The following TRAK1 variants were observed in gnomAD, a reference collection of about 807,000 sequenced individuals.
The protein encoded by TRAK1 is trafficking kinesin protein 1.
A neutral mutation model predicts 92.1 loss-of-function variants in TRAK1; 33 were observed. That is an observed-to-expected ratio of 0.36 (90% CI 0.27 to 0.48). The LOEUF (loss-of-function observed/expected upper bound fraction) is 0.48. TRAK1 is among the 20% of genes least tolerant of loss of function. The pLI, the probability that TRAK1 is intolerant of heterozygous loss-of-function variation, is 0.99. For missense variants in TRAK1, 1,123 were observed against 1,257.9 expected, an observed-to-expected ratio of 0.89 and a Z score of 1.62; for synonymous variants, 521 against 517.3, an observed-to-expected ratio of 1.01 and a Z score of -0.10.
chr3:42,109,347 A>G (rs1228733530), intron 1 of TRAK1, among the ~76,000 whole-genome samples: 1 of 152,242 alleles, frequency 6.6e-6, no homozygotes, highest in Non-Finnish European at 1.5e-5. Flanking sequence ...AGGTGATTCA[A>G]AGATGTAATG....
intron 1 of TRAK1, among the ~76,000 whole-genome samples, chr3:42,034,377 G>A (rs1053436145): frequency 3.3e-5 from 5 of 152,048 alleles, no homozygotes; most frequent in Admixed American, 1.3e-4. Flanking sequence ...CTGCAGCCTC[G>A]ACCTCCCTGG....
chr3:42,129,669 A>G (rs990339439), intron 2 of TRAK1, among the ~76,000 whole-genome samples: 1 of 152,228 alleles, frequency 6.6e-6, no homozygotes, highest in African/African-American at 2.4e-5. Flanking sequence ...GGGAGAAAGC[A>G]TAGTCAACGT....
At chr3:42,196,687 G>A (rs865928926) in intron 10 of TRAK1, among the ~76,000 whole-genome samples, 18 of 146,544 alleles carry the variant, frequency 1.2e-4, no homozygotes, top group South Asian at 8.8e-4. Context: ...ACAGGCATGT[G>A]CCACCACGCC....
Position 42,224,036 on chromosome 3 carries a change from G to T in TRAK1, c.*299G>T, listed in dbSNP as rs752568877. 3.7e-5 allele frequency: 21 copies of T among 569,598 alleles called. No individual in the cohort carries two copies. The highest frequency in any genetic ancestry group is 2.7e-4 in the Middle Eastern group (1 of 3,690). 35.3% of individuals were successfully genotyped at this position (569,598 alleles called of 1,614,324 possible). A position where few individuals can be genotyped will look rare whatever the true frequency, so the allele number is the denominator to read the frequency against. On this transcript the variant is annotated 3_prime_UTR_variant, in exon 16 of 16. Coordinates refer to ENST00000327628, the MANE Select transcript of TRAK1 (RefSeq NM_001042646.3). Reference sequence around the variant, plus strand: ...CCTGTGCTAACCTGGGGGAAGGTGGGGTCCTTTCTTCTTTCCTTTTGAGAA... The same window carrying T: ...CCTGTGCTAACCTGGGGGAAGGTGGTGTCCTTTCTTCTTTCCTTTTGAGAA...
At chr3:42,217,935 A>G (rs1709897702) in intron 14 of TRAK1, 1 of 984,964 alleles carries the variant, frequency 1.0e-6, no homozygotes. Flanking sequence ...AAGATTCATA[A>G]AGGCTATTTT....
chr3:42,048,746 T>G (rs1216477682), intron 1 of TRAK1, among the ~76,000 whole-genome samples: 1 of 152,014 alleles, frequency 6.6e-6, no homozygotes, highest in Non-Finnish European at 1.5e-5. Flanking sequence ...GTATTTTTAG[T>G]AGAGACGGGG....
chr3:42,157,563 A>G (rs1326141173), intron 2 of TRAK1, among the ~76,000 whole-genome samples: 1 of 151,522 alleles, frequency 6.6e-6, no homozygotes, highest in South Asian at 2.1e-4. Context: ...AGAAAGTAAC[A>G]CCACTTCTGT....
chr3:42,018,558 G>A (rs961021598), intron 1 of TRAK1, among the ~76,000 whole-genome samples: 1 of 152,152 alleles, frequency 6.6e-6, no homozygotes, highest in African/African-American at 2.4e-5. Flanking sequence ...GTACTCAGGT[G>A]ACTTTAAAAA....
At chr3:42,049,632 TTC>T (rs1702902420) in intron 1 of TRAK1, among the ~76,000 whole-genome samples, 1 of 152,084 alleles carries the variant, frequency 6.6e-6, no homozygotes, top group Non-Finnish European at 1.5e-5. Flanking sequence ...TTTTTCTTCA[TTC>T]TCTATTCTTA....
At chr3:42,110,691 T>A (rs1708270740) in intron 1 of TRAK1, among the ~76,000 whole-genome samples, 1 of 151,962 alleles carries the variant, frequency 6.6e-6, no homozygotes. Context: ...AGTAGAGGAG[T>A]AGAAGACAGA....
chr3:42,021,866 C>T (rs1003149357), intron 1 of TRAK1, among the ~76,000 whole-genome samples: 7 of 152,130 alleles, frequency 4.6e-5, no homozygotes, highest in Admixed American at 6.5e-5. Flanking sequence ...TGAGCCACTG[C>T]GCCTGGCCCT....
At chr3:42,160,363 T>C in intron 2 of TRAK1, 2 of 1,614,082 alleles carry the variant, frequency 1.2e-6, no homozygotes, top group Non-Finnish European at 1.7e-6. Context: ...ACTTCAGCAA[T>C]GTCCCTGCGA....
chr3:42,128,201 G>A (rs191621848), intron 2 of TRAK1, among the ~76,000 whole-genome samples: 2 of 152,036 alleles, frequency 1.3e-5, no homozygotes, highest in African/African-American at 2.4e-5. Flanking sequence ...ACAAACAAAC[G>A]AAAAAACAAA....
At chr3:42,026,441 C>G (rs1701919129) in intron 1 of TRAK1, among the ~76,000 whole-genome samples, 1 of 151,886 alleles carries the variant, frequency 6.6e-6, no homozygotes, top group African/African-American at 2.4e-5. Flanking sequence ...TTTTACATAC[C>G]AATTTGTGTG....
At chr3:42,160,252 G>A in intron 2 of TRAK1, 1 of 1,540,146 alleles carries the variant, frequency 6.5e-7, no homozygotes, top group South Asian at 1.3e-5. Flanking sequence ...CCAGGGCGCA[G>A]TGTGTGCCCT....
At chr3:42,107,109 G>A (rs1351577279) in intron 1 of TRAK1, among the ~76,000 whole-genome samples, 1 of 152,178 alleles carries the variant, frequency 6.6e-6, no homozygotes, top group Non-Finnish European at 1.5e-5. Context: ...ACAGGGGGAG[G>A]GATGTGGGCC....
At chr3:42,064,805 C>A (rs1336621421) in intron 1 of TRAK1, among the ~76,000 whole-genome samples, 1 of 152,058 alleles carries the variant, frequency 6.6e-6, no homozygotes, top group East Asian at 1.9e-4. Flanking sequence ...GTAATCCCAG[C>A]ACTTTGGGAG....
chr3:42,104,043 T>C (rs1427317685), intron 1 of TRAK1, among the ~76,000 whole-genome samples: 1 of 151,984 alleles, frequency 6.6e-6, no homozygotes, highest in Non-Finnish European at 1.5e-5. Context: ...GCTTGGAGGG[T>C]CCCACGCCCA....
At chr3:42,162,608 T>C (rs1701396432) in intron 2 of TRAK1, among the ~76,000 whole-genome samples, 1 of 152,212 alleles carries the variant, frequency 6.6e-6, no homozygotes, top group South Asian at 2.1e-4. Flanking sequence ...TGCACAGCGA[T>C]GCTGTACATA....
Sources: gnomAD v4.1 joint callset for allele counts (sites outside exome capture counted in the v4.1 genomes callset) on GRCh38, gnomAD v4.1.1 for gene constraint, MANE v1.5 for transcripts, NCBI Gene and HGNC (gene_info 2026-07-23, HGNC 2026-07-21) for gene names.